ADGRL2: variants seen among roughly 807,000 people sequenced by gnomAD.
ADGRL2 encodes adhesion G protein-coupled receptor L2.
A neutral mutation model predicts 157.4 loss-of-function variants in ADGRL2; 44 were observed. That is an observed-to-expected ratio of 0.28 (90% CI 0.22 to 0.36). The LOEUF is 0.36. ADGRL2 is among the 10% of genes least tolerant of loss of function. The pLI, the probability that ADGRL2 is intolerant of heterozygous loss-of-function variation, is 1.00. For missense variants in ADGRL2, 1,510 were observed against 1,768.9 expected (o/e 0.85, Z 2.63); for synonymous variants, 585 against 624.7 (o/e 0.94, Z 0.95).
At chr1:81,951,418 A>G (rs1651757877) in intron 8 of ADGRL2, among the ~76,000 whole-genome samples, 1 of 152,198 alleles carries the variant, frequency 6.6e-6, no homozygotes, top group Non-Finnish European at 1.5e-5. Flanking sequence ...TAAATAAAAT[A>G]TCATTAAGTT....
chr1:81,673,483 C>T (rs2082915132), intron 3 of ADGRL2, among the ~76,000 whole-genome samples: 1 of 151,020 alleles, frequency 6.6e-6, no homozygotes, highest in South Asian at 2.1e-4. Context: ...AGAAGGTGAG[C>T]CCTGAGGAAC....
intron 3 of ADGRL2, among the ~76,000 whole-genome samples, chr1:81,688,762 C>T (rs1010627969): frequency 2.0e-5 from 3 of 152,056 alleles, no homozygotes; most frequent in Non-Finnish European, 1.5e-5. Flanking sequence ...GTCATATTAC[C>T]AGGATTAGTA....
chr1:81,786,531 G>A lies in ADGRL2; in HGVS notation c.-101+24679G>A, dbSNP rs547469266. 6.6e-5 allele frequency among the ~76,000 whole-genome samples: 10 copies of A among 152,256 alleles called. No homozygotes were observed. The South Asian group carries it at 8.3e-4, about 13-fold the overall frequency. ...GCAGAGGTTGCAGTGAGCCAAGATC[G>A]TGCCACTGCACTCCAGCCTGGGTGA... On this transcript the variant is annotated intron_variant, in intron 2 of 20. Transcript: ENST00000359929.
chr1:81,744,274 C>A (rs111676526), intron 1 of ADGRL2, among the ~76,000 whole-genome samples: 5 of 152,110 alleles, frequency 3.3e-5, no homozygotes, highest in African/African-American at 1.2e-4. Context: ...CTAAACACTA[C>A]TTACATTATC....
chr1:81,963,190 A>G (rs1184188057), intron 11 of ADGRL2, among the ~76,000 whole-genome samples: 1 of 151,942 alleles, frequency 6.6e-6, no homozygotes, highest in Admixed American at 6.6e-5. Context: ...TATAAATAAT[A>G]TCACTTTTAA....
intron 1 of ADGRL2, among the ~76,000 whole-genome samples, chr1:81,359,487 A>G (rs752799885): frequency 2.0e-5 from 3 of 152,024 alleles, no homozygotes; most frequent in African/African-American, 7.2e-5. Flanking sequence ...ACAACTACAT[A>G]TAAGTAATGC....
At chr1:81,652,025 T>C (rs2148844233) in intron 3 of ADGRL2, among the ~76,000 whole-genome samples, 1 of 152,276 alleles carries the variant, frequency 6.6e-6, no homozygotes, top group Middle Eastern at 3.4e-3. Flanking sequence ...GATTTTCATC[T>C]CAGTAGTTAA....
rs555239390 is a variant in ADGRL2, at chr1:81,842,899, A to G, written c.73+5842A>G. On this transcript the variant is annotated intron_variant, in intron 2 of 23. Coordinates refer to ENST00000686636, the MANE Select transcript of ADGRL2 (RefSeq NM_001366006.2). ...GTGGGGATTTCAGATTTCCCAATCT[A>G]ACAAAATTAACTACTTTTGTTCATT... Among the ~76,000 whole-genome samples the G allele has an allele frequency of 2.2e-4, 33 of 152,218 alleles. No homozygotes were observed. The East Asian group carries it at 6.4e-3, about 30-fold the overall frequency.
chr1:81,847,760 G>A (rs2092847284), intron 2 of ADGRL2, among the ~76,000 whole-genome samples: 1 of 151,772 alleles, frequency 6.6e-6, no homozygotes, highest in Admixed American at 6.6e-5. Context: ...CAGAAACAGT[G>A]TTTTTAACAG....
intron 3 of ADGRL2, among the ~76,000 whole-genome samples, chr1:81,933,053 G>A (rs1309858936): frequency 6.6e-6 from 1 of 152,104 alleles, no homozygotes; most frequent in Non-Finnish European, 1.5e-5. Context: ...CTGTTGGTAT[G>A]AGGACCACAT....
At chr1:81,634,814 G>A (rs986483964) in intron 3 of ADGRL2, among the ~76,000 whole-genome samples, 2 of 152,144 alleles carry the variant, frequency 1.3e-5, no homozygotes, top group Middle Eastern at 3.4e-3. Flanking sequence ...GAGCCGTCGC[G>A]CCTGGCCTAT....
At chr1:81,566,556 T>C (rs538287759) in intron 2 of ADGRL2, among the ~76,000 whole-genome samples, 1 of 152,276 alleles carries the variant, frequency 6.6e-6, no homozygotes, top group African/African-American at 2.4e-5. Context: ...TGGAACTCTG[T>C]TCCACAAATT....
chr1:81,306,833 T>C (rs1282097779), intron 1 of ADGRL2, among the ~76,000 whole-genome samples: 1 of 152,118 alleles, frequency 6.6e-6, no homozygotes, highest in Non-Finnish European at 1.5e-5. Flanking sequence ...ACTTATTATG[T>C]ATGCTGGCCA....
Position 81,986,883 on chromosome 1 carries a change from T to TG in ADGRL2, c.3509-18_3509-17insG. 1 of 1,461,642 alleles carries TG rather than the reference T, an allele frequency of 6.8e-7. No individual in the cohort carries two copies. The highest frequency in any genetic ancestry group is 2.4e-5 in the East Asian group (1 of 41,050). 90.5% of individuals were successfully genotyped at this position (1,461,642 alleles called of 1,614,324 possible). A position where few individuals can be genotyped will look rare whatever the true frequency, so the allele number is the denominator to read the frequency against. On this transcript the variant is annotated splice_polypyrimidine_tract_variant and intron_variant, in intron 21 of 23. Coordinates refer to ENST00000686636, the MANE Select transcript of ADGRL2 (RefSeq NM_001366006.2). ...GTACTTTTCTCTGTTTTTTTGTTGT[T>TG]TTTTTTTTTTACTTTAGGAATGACT...
intron 1 of ADGRL2, among the ~76,000 whole-genome samples, chr1:81,343,087 C>CTTTTTTTTTTTTTTTTTTTTTTTT (rs764039251): frequency 1.6e-5 from 2 of 127,490 alleles, no homozygotes; most frequent in African/African-American, 5.9e-5. Context: ...TTTCTTTTTT[C>CTTTTTTTTTTTTTTTTTTTTTTTT]TTTTCTTTTT....
At chr1:81,950,979 T>C in intron 7 of ADGRL2, 39 bp from the exon 8 acceptor site, 1 of 1,318,882 alleles carries the variant, frequency 7.6e-7, no homozygotes, top group South Asian at 1.2e-5. Context: ...TGCAGAAAAA[T>C]GGTTTCAATT....
At chr1:81,698,500 A>G (rs1192362257), upstream of ADGRL2, among the ~76,000 whole-genome samples, 1 of 152,212 alleles carries the variant, frequency 6.6e-6, no homozygotes, top group Non-Finnish European at 1.5e-5. Context: ...GCCAGATGTG[A>G]TGGGCAAGTT....
intron 1 of ADGRL2, among the ~76,000 whole-genome samples, chr1:81,413,571 G>A (rs1322265300): frequency 6.6e-6 from 1 of 152,122 alleles, no homozygotes; most frequent in Non-Finnish European, 1.5e-5. Context: ...AAAGATGTGA[G>A]GTTGTTTACA....
intron 1 of ADGRL2, among the ~76,000 whole-genome samples, chr1:81,323,816 T>A (rs983441014): frequency 6.6e-6 from 1 of 152,084 alleles, no homozygotes. Flanking sequence ...GAATAGCATA[T>A]GCAAACCTCA....
Sources: allele counts gnomAD v4.1 joint callset (sites outside exome capture counted in the v4.1 genomes callset), GRCh38; gene constraint gnomAD v4.1.1; transcripts MANE v1.5; gene names NCBI Gene and HGNC (gene_info 2026-07-23, HGNC 2026-07-21).